Variants in MAF observed in about 807,000 individuals in gnomAD.
MAF encodes transcription factor Maf.
Under a neutral mutation model 22.0 loss-of-function variants are expected in MAF, and 10 were observed. The observed-to-expected ratio is 0.45, with a 90% CI of 0.28 to 0.77. MAF has a LOEUF of 0.77. Among genes scored for constraint, MAF ranks in the 30% least tolerant of loss-of-function variants. MAF has a pLI of 0.12. For synonymous variants in MAF, 337 were observed against 255.8 expected (o/e 1.32, Z -3.03); for missense variants, 544 against 548.4 (o/e 0.99, Z 0.08).
chr16:79,577,510 C>T, the MAF span, among the ~76,000 whole-genome samples: 4 of 152,114 alleles, frequency 2.6e-5, no homozygotes, highest in South Asian at 8.3e-4. Context: ...TGGCATAGAT[C>T]TGGTGTCCAG....
the MAF span, among the ~76,000 whole-genome samples, chr16:79,402,940 G>A: frequency 6.6e-6 from 1 of 151,598 alleles, no homozygotes; most frequent in Non-Finnish European, 1.5e-5. Flanking sequence ...TGGAGGTTGT[G>A]GAGCCTTGGG....
At chr16:79,405,815 T>C in the MAF span, among the ~76,000 whole-genome samples, 1 of 152,198 alleles carries the variant, frequency 6.6e-6, no homozygotes, top group Non-Finnish European at 1.5e-5. Context: ...GCTCGCCTCA[T>C]TTTGGAGAGA....
At chr16:79,598,459 A>AC in intron 1 of MAF, 1 of 1,268,212 alleles carries the variant, frequency 7.9e-7, no homozygotes, top group Non-Finnish European at 1.0e-6. Flanking sequence ...GGGGTGTAAA[A>AC]AAAAAAAAAA....
the MAF span, among the ~76,000 whole-genome samples, chr16:79,447,905 A>AAAAAG: frequency 0.013 from 1,072 of 85,358 alleles, 70 homozygotes; most frequent in Middle Eastern, 0.078. Context: ...AAAAAAAAAA[A>AAAAAG]AAAAGAAAAG....
At chr16:79,237,110 T>C in the MAF span, among the ~76,000 whole-genome samples, 169 of 152,188 alleles carry the variant, frequency 1.1e-3, 1 homozygote, top group South Asian at 7.9e-3. Flanking sequence ...TAAAATGTTT[T>C]CAAAGATTTC....
the MAF span, among the ~76,000 whole-genome samples, chr16:79,546,540 A>G: frequency 6.6e-6 from 1 of 152,194 alleles, no homozygotes; most frequent in South Asian, 2.1e-4. Context: ...ATTCCATTTC[A>G]TATAAGATTA....
the MAF span, among the ~76,000 whole-genome samples, chr16:79,547,037 C>T: frequency 1.4e-3 from 214 of 152,304 alleles, no homozygotes; most frequent in Middle Eastern, 6.8e-3. Context: ...GACATGGTCA[C>T]AGGACATGCG....
the MAF span, among the ~76,000 whole-genome samples, chr16:79,484,781 T>C: frequency 6.6e-6 from 1 of 152,106 alleles, no homozygotes; most frequent in South Asian, 2.1e-4. Context: ...GGAAAAGGGG[T>C]GACATGTGTG....
At chr16:79,363,151 G>C in the MAF span, among the ~76,000 whole-genome samples, 5 of 151,408 alleles carry the variant, frequency 3.3e-5, no homozygotes, top group African/African-American at 4.9e-5. Context: ...CATTGAGAAA[G>C]CTCCTAACTC....
chr16:79,508,556 A>G, the MAF span, among the ~76,000 whole-genome samples: 58 of 152,260 alleles, frequency 3.8e-4, 1 homozygote, highest in African/African-American at 1.3e-3. Context: ...CCTGCTTTGC[A>G]CCAAAGGCTC....
chr16:79,339,577 G>A, the MAF span, among the ~76,000 whole-genome samples: 2 of 152,154 alleles, frequency 1.3e-5, no homozygotes, highest in Non-Finnish European at 2.9e-5. Flanking sequence ...CTAAAATTTT[G>A]AGGTTTGTTT....
At chr16:79,501,564 CT>C in the MAF span, among the ~76,000 whole-genome samples, 1 of 152,100 alleles carries the variant, frequency 6.6e-6, no homozygotes, top group Non-Finnish European at 1.5e-5. Context: ...GTTAATTTTC[CT>C]GATTGGTAAA....
the MAF span, among the ~76,000 whole-genome samples, chr16:79,497,122 A>C: frequency 6.6e-6 from 1 of 152,330 alleles, no homozygotes; most frequent in East Asian, 1.9e-4. Context: ...GACTGTGTTG[A>C]AACAGCTTAA....
At chr16:79,333,504 T>C in the MAF span, among the ~76,000 whole-genome samples, 10 of 152,102 alleles carry the variant, frequency 6.6e-5, no homozygotes, top group African/African-American at 2.2e-4. Flanking sequence ...GCCAACACGA[T>C]TACCCAAGAC....
At chr16:79,369,946 C>G in the MAF span, among the ~76,000 whole-genome samples, 22 of 152,358 alleles carry the variant, frequency 1.4e-4, no homozygotes, top group South Asian at 1.9e-3. Context: ...CCACAGAGGG[C>G]CTCTCCCAAC....
chr16:79,566,116 T>C, the MAF span, among the ~76,000 whole-genome samples: 1 of 152,198 alleles, frequency 6.6e-6, no homozygotes, highest in African/African-American at 2.4e-5. Context: ...GTAATTCTGA[T>C]CTGCATCCAG....
At chr16:79,266,187 T>A in the MAF span, among the ~76,000 whole-genome samples, 1 of 152,272 alleles carries the variant, frequency 6.6e-6, no homozygotes, top group Non-Finnish European at 1.5e-5. Flanking sequence ...ATTCATGTCT[T>A]GAGGGACAGA....
chr16:79,245,689 C>A, the MAF span, among the ~76,000 whole-genome samples: 1 of 151,988 alleles, frequency 6.6e-6, no homozygotes. Context: ...CCATTTGACC[C>A]AGCAGTCTCA....
the MAF span, among the ~76,000 whole-genome samples, chr16:79,541,276 T>C: frequency 1.3e-5 from 2 of 152,204 alleles, no homozygotes; most frequent in South Asian, 2.1e-4. Context: ...AGGGAAATCA[T>C]CTTGGTTGGA....
Sources: gnomAD v4.1 joint callset for allele counts (sites outside exome capture counted in the v4.1 genomes callset) on GRCh38, gnomAD v4.1.1 for gene constraint, MANE v1.5 for transcripts, NCBI Gene and HGNC (gene_info 2026-07-23, HGNC 2026-07-21) for gene names.